Variants in GRIN2A observed in about 807,000 individuals in gnomAD.
The protein encoded by GRIN2A is glutamate receptor ionotropic, NMDA 2A.
GRIN2A carries 22 observed loss-of-function variants against 113.4 expected under a neutral mutation model. The ratio of observed to expected loss-of-function variants is 0.19; its 90% CI spans 0.14 to 0.28. The LOEUF (loss-of-function observed/expected upper bound fraction) is 0.28, where lower values mean the gene tolerates loss of function less well. Ranked by LOEUF, GRIN2A falls within the 10% of genes least tolerant of loss-of-function variation. The pLI, the probability that GRIN2A is intolerant of heterozygous loss-of-function variation, is 1.00. For synonymous variants in GRIN2A, 827 were observed against 738.4 expected (o/e 1.12, Z -1.94); for missense variants, 1,502 against 1,887.0 (o/e 0.80, Z 3.78).
intron 4 of GRIN2A, among the ~76,000 whole-genome samples, chr16:9,871,224 T>A (rs1424615766): frequency 6.6e-6 from 1 of 152,076 alleles, no homozygotes; most frequent in African/African-American, 2.4e-5. Context: ...CAAGCCTCAT[T>A]CACAAATTAC....
chr16:9,845,971 T>TAACA (rs984079298), intron 5 of GRIN2A, among the ~76,000 whole-genome samples: 1 of 152,234 alleles, frequency 6.6e-6, no homozygotes, highest in Non-Finnish European at 1.5e-5. Context: ...GCAATGTGCC[T>TAACA]AACATGCAAA....
At chr16:10,058,969 G>A (rs2047502707) in intron 2 of GRIN2A, among the ~76,000 whole-genome samples, 1 of 152,210 alleles carries the variant, frequency 6.6e-6, no homozygotes. Context: ...TGGGGAAAGG[G>A]GAGGTTCACC....
chr16:10,080,259 T>C (rs1250668464), intron 2 of GRIN2A, among the ~76,000 whole-genome samples: 1 of 152,190 alleles, frequency 6.6e-6, no homozygotes, highest in East Asian at 1.9e-4. Context: ...ATTTGTTGAA[T>C]GAGCAAATAA....
At chr16:9,892,320 G>A (rs189434855) in intron 3 of GRIN2A, among the ~76,000 whole-genome samples, 1 of 152,334 alleles carries the variant, frequency 6.6e-6, no homozygotes, top group African/African-American at 2.4e-5. Flanking sequence ...ATTGAAGGCT[G>A]TGTAGAGAAT....
chr16:9,867,516 G>A (rs1001618238), intron 4 of GRIN2A, among the ~76,000 whole-genome samples: 3 of 152,034 alleles, frequency 2.0e-5, no homozygotes, highest in South Asian at 2.1e-4. Context: ...AGCCTAACAC[G>A]CATCCCAGCC....
chr16:9,870,628 CTTTTTT>C (rs951273100), intron 4 of GRIN2A, among the ~76,000 whole-genome samples: 1 of 138,196 alleles, frequency 7.2e-6, no homozygotes, highest in African/African-American at 2.7e-5. Context: ...AACTTTTTTT[CTTTTTT>C]TTTTTTTTTT....
At chr16:9,826,425 G>A (rs186755138) in intron 9 of GRIN2A, among the ~76,000 whole-genome samples, 3 of 152,104 alleles carry the variant, frequency 2.0e-5, no homozygotes, top group African/African-American at 7.2e-5. Context: ...CAGCTCATCT[G>A]AGCACACCAT....
chr16:10,132,910 C>T (rs1251768424), intron 2 of GRIN2A, among the ~76,000 whole-genome samples: 1 of 152,224 alleles, frequency 6.6e-6, no homozygotes, highest in Middle Eastern at 3.2e-3. Flanking sequence ...CCTAGTGCTT[C>T]CTTCTAAGGC....
chr16:9,928,926 C>T (rs1027364549), intron 3 of GRIN2A, among the ~76,000 whole-genome samples: 6 of 152,234 alleles, frequency 3.9e-5, no homozygotes, highest in African/African-American at 1.4e-4. Flanking sequence ...ATAGATTACA[C>T]ATTTTTGGAA....
intron 2 of GRIN2A, among the ~76,000 whole-genome samples, chr16:10,021,705 C>A (rs1178983994): frequency 1.3e-5 from 2 of 151,962 alleles, no homozygotes; most frequent in African/African-American, 4.8e-5. Context: ...AAAGCATATG[C>A]AAATGCCCCA....
intron 2 of GRIN2A, among the ~76,000 whole-genome samples, chr16:9,959,935 T>G (rs2045399211): frequency 6.6e-6 from 1 of 152,194 alleles, no homozygotes; most frequent in African/African-American, 2.4e-5. Context: ...ATCGGGCCAC[T>G]GCACTCCAGC....
In GRIN2A at chr16:9,937,071, G is replaced by A. The variant is rs546406493; in HGVS notation, c.1007+888C>T. ...ACAGCTGTTTAGCTTCTAATAGGAA[G>A]CTTCAAAATCCCTAAATTAAATGTT... On this transcript the variant is annotated intron_variant, in intron 3 of 12. Transcript: ENST00000330684. Among the ~76,000 whole-genome samples, 1,400 of 152,228 alleles carry A rather than the reference G, an allele frequency of 9.2e-3. 17 individuals are homozygous for A. The highest frequency in any genetic ancestry group is 0.032 in the African/African-American group (1,335 of 41,520).
intron 5 of GRIN2A, among the ~76,000 whole-genome samples, chr16:9,848,103 C>A: frequency 6.9e-6 from 1 of 144,756 alleles, no homozygotes; most frequent in South Asian, 2.2e-4. Flanking sequence ...TATATTTTAT[C>A]TATAAACATA....
intron 2 of GRIN2A, among the ~76,000 whole-genome samples, chr16:9,959,711 C>T (rs188716068): frequency 7.9e-5 from 12 of 152,312 alleles, no homozygotes; most frequent in Admixed American, 2.6e-4. Context: ...TGGCGGCTCA[C>T]GCCTGTAATC....
At chr16:9,949,063 A>T (rs2045100438) in intron 2 of GRIN2A, among the ~76,000 whole-genome samples, 1 of 152,136 alleles carries the variant, frequency 6.6e-6, no homozygotes, top group East Asian at 1.9e-4. Context: ...GAGCTCACTG[A>T]GGAAATAGGA....
chr16:9,782,460 T>A (rs1232415546), intron 11 of GRIN2A, among the ~76,000 whole-genome samples: 1 of 152,130 alleles, frequency 6.6e-6, no homozygotes, highest in Non-Finnish European at 1.5e-5. Context: ...CAAATTAAAG[T>A]GTTTAAAAAA....
chr16:9,773,720 C>T (rs1596388445), intron 11 of GRIN2A, among the ~76,000 whole-genome samples: 1 of 152,326 alleles, frequency 6.6e-6, no homozygotes, highest in East Asian at 1.9e-4. Context: ...CTTCTTTGCG[C>T]CCATGGGAAC....
intron 2 of GRIN2A, among the ~76,000 whole-genome samples, chr16:9,992,747 G>A (rs565105169): frequency 6.4e-4 from 98 of 152,300 alleles, no homozygotes; most frequent in Admixed American, 1.0e-3. Context: ...TCACATGGAA[G>A]TGTGGACAGT....
At chr16:10,104,578 G>C (rs9924226) in intron 2 of GRIN2A, among the ~76,000 whole-genome samples, 61,634 of 152,044 alleles carry the variant, frequency 0.41, 12,652 homozygotes, top group East Asian at 0.46. Context: ...ACAATTTTAC[G>C]TGGTTATGGG....
Sources: gnomAD v4.1 joint callset for allele counts (sites outside exome capture counted in the v4.1 genomes callset) on GRCh38, gnomAD v4.1.1 for gene constraint, MANE v1.5 for transcripts, NCBI Gene and HGNC (gene_info 2026-07-23, HGNC 2026-07-21) for gene names.